KASH5: variants seen among roughly 807,000 people sequenced by gnomAD.
KASH5 encodes protein KASH5.
KASH5 carries 72 observed loss-of-function variants against 84.2 expected under a neutral mutation model. The ratio of observed to expected loss-of-function variants is 0.85; its 90% CI spans 0.71 to 1.04. The LOEUF (loss-of-function observed/expected upper bound fraction) is 1.04, where lower values mean the gene tolerates loss of function less well. Among genes scored for constraint, KASH5 ranks in the 50% least tolerant of loss-of-function variants. KASH5 has a pLI of 0.00. For synonymous variants in KASH5, 260 were observed against 279.1 expected (o/e 0.93, Z 0.68); for missense variants, 650 against 701.0 (o/e 0.93, Z 0.82).
chr19:49,416,969 C>T lies in KASH5; in HGVS notation c.1375-46C>T, dbSNP rs964072667. On this transcript the variant is annotated intron_variant, in intron 17 of 19. Coordinates refer to ENST00000447857, the MANE Select transcript of KASH5 (RefSeq NM_144688.5). This position sits in a 1 kb window ranked among gnomAD's most constrained non-coding sequence, Gnocchi z 5.4. ...CCAGTGGGCTGACCTGAGCACCTCT[C>T]AGTCCAGAACCCGGTGCCTCCAACG... 6.5e-6 allele frequency: 10 copies of T among 1,544,872 alleles called. No homozygotes were observed. The highest frequency in any genetic ancestry group is 2.7e-5 in the African/African-American group (2 of 73,002).
chr19:49,417,110 A>G lies in KASH5; in HGVS notation c.1439+31A>G. 1.2e-6 allele frequency: 2 copies of G among 1,607,050 alleles called. No individual in the cohort carries two copies. Among genetic ancestry groups the G allele is most frequent in the Non-Finnish European group, 1.7e-6 (2 of 1,177,320 alleles). ...AGGACCCACAGGGTCCAGGAGGGAC[A>G]CTGGGGCAAGGAAAAACCCAGTGGT... On this transcript the variant is annotated intron_variant, in intron 18 of 19. Transcript: ENST00000447857. This position sits in a 1 kb window ranked among gnomAD's most constrained non-coding sequence, Gnocchi z 5.2.
At chr19:49,405,743 G>A (rs1225614916) in intron 9 of KASH5, among the ~76,000 whole-genome samples, 1 of 151,780 alleles carries the variant, frequency 6.6e-6, no homozygotes, top group African/African-American at 2.4e-5. Flanking sequence ...GATCGCCTGA[G>A]GTCAGGAGTT....
Position 49,399,341 on chromosome 19 carries a change from G to A in KASH5, c.748-116G>A. 9.1e-7 allele frequency: 1 copy of A among 1,102,634 alleles called. No individual in the cohort carries two copies. The highest frequency in any genetic ancestry group is 1.3e-6 in the Non-Finnish European group (1 of 754,702). The allele number at this position is 1,102,634 out of a possible 1,614,324, so 68.3% of individuals were successfully genotyped here. A position where few individuals can be genotyped will look rare whatever the true frequency, so the allele number is the denominator to read the frequency against. ...CAAAGGAGACAGCAGGAGCCATCAG[G>A]GCTTCCCAGACCCATTCCCCCAGGC... On this transcript the variant is annotated intron_variant, in intron 8 of 19. Transcript: ENST00000447857. The surrounding 1 kb of genome is among the most constrained non-coding windows in gnomAD (Gnocchi z 4.4).
chr19:49,409,834 G>C lies in KASH5; in HGVS notation c.1228G>C (p.Glu410Gln). 6 of 1,613,958 alleles carry C rather than the reference G, an allele frequency of 3.7e-6. No homozygotes were observed. Among genetic ancestry groups the C allele is most frequent in the Non-Finnish European group, 3.4e-6 (4 of 1,179,842 alleles). ...QWEEVIHETSEETEFPSEAPA... is the reference protein window; with the variant it reads ...QWEEVIHETSQETEFPSEAPA... Reference sequence around the variant, plus strand: ...GGAGGAAGTCATCCATGAGACCAGTGAGGAAACTGAGTTTCCATCTGAAGC... The same window carrying C: ...GGAGGAAGTCATCCATGAGACCAGTCAGGAAACTGAGTTTCCATCTGAAGC... Residue 410 changes from glutamate to glutamine, a missense_variant, in exon 15 of 20, where the codon GAG (glutamate) becomes CAG (glutamine). Glu to Gln is a conservative substitution (Grantham distance 29). Coordinates refer to ENST00000447857, the MANE Select transcript of KASH5 (RefSeq NM_144688.5).
At chr19:49,415,726 C>T (rs775398427) in intron 17 of KASH5, 1 of 153,928 alleles carries the variant, frequency 6.5e-6, no homozygotes, top group Non-Finnish European at 1.4e-5. Flanking sequence ...ACCTCAGCTT[C>T]CTCACAGCTC....
At position 49,412,937 on chromosome 19, in the gene KASH5, C is replaced by A; in HGVS notation, c.1270-31C>A. Reference sequence around the variant, plus strand: ...GGTTGGAGCTTTGAGTGAGAAGAATCAGAGAAGAACTAACCTTTTTGTTTC... The same window carrying A: ...GGTTGGAGCTTTGAGTGAGAAGAATAAGAGAAGAACTAACCTTTTTGTTTC... On this transcript the variant is annotated intron_variant, in intron 15 of 19. Coordinates refer to ENST00000447857, the MANE Select transcript of KASH5 (RefSeq NM_144688.5). This position sits in a 1 kb window ranked among gnomAD's most constrained non-coding sequence, Gnocchi z 4.6. 6.2e-7 allele frequency: 1 copy of A among 1,611,414 alleles called. No homozygotes were observed. The highest frequency in any genetic ancestry group is 1.1e-5 in the South Asian group (1 of 90,920).
chr19:49,399,864 C>T lies in KASH5; in HGVS notation c.798+357C>T. ...CGAAGGATACTTGCAAAGTCTTGGG[C>T]ACAAGGTAGGACACATAGGATGTGC... is the stretch of plus-strand genomic sequence containing the variant. On this transcript the variant is annotated intron_variant, in intron 9 of 19. Coordinates refer to ENST00000447857, the MANE Select transcript of KASH5 (RefSeq NM_144688.5). The surrounding 1 kb of genome is among the most constrained non-coding windows in gnomAD (Gnocchi z 4.4). 2.8e-6 allele frequency: 1 copy of T among 360,416 alleles called. No homozygotes were observed. 22.3% of individuals were successfully genotyped at this position (360,416 alleles called of 1,614,324 possible).
chr19:49,407,040 C>T (rs1974549305), intron 10 of KASH5, 77 bp downstream of exon 10: 1 of 1,423,830 alleles, frequency 7.0e-7, no homozygotes, highest in African/African-American at 1.4e-5. Flanking sequence ...TTAGTGACTG[C>T]AGCCTGATAA....
chr19:49,394,352 G>A (rs1974103916), intron 2 of KASH5, 124 bp from the exon 3 acceptor site: 6 of 679,970 alleles, frequency 8.8e-6, no homozygotes, highest in African/African-American at 3.5e-5. Flanking sequence ...CCACCCGCCC[G>A]AACTCTCAGT....
chr19:49,404,508 T>C (rs1204292474), intron 9 of KASH5, among the ~76,000 whole-genome samples: 2 of 152,178 alleles, frequency 1.3e-5, no homozygotes, highest in Non-Finnish European at 2.9e-5. Flanking sequence ...CTGTTAGTGC[T>C]CCCATGGTAC....
rs1046930096 is a variant in KASH5 at position 49,395,880 on chromosome 19, C to A, written c.400+47C>A. On this transcript the variant is annotated intron_variant, in intron 5 of 19. Transcript: ENST00000447857. This position sits in a 1 kb window ranked among gnomAD's most constrained non-coding sequence, Gnocchi z 4.4. ...TGAAGCAGGCAGGCCCTGGGTCAGACAGTGTGGGGACTTACCACCCAGGGC... is the reference window on the plus strand; with the variant it reads ...TGAAGCAGGCAGGCCCTGGGTCAGAAAGTGTGGGGACTTACCACCCAGGGC... The A allele has an allele frequency of 4.0e-6, 6 of 1,494,556 alleles. No homozygotes were observed. Among genetic ancestry groups the A allele is most frequent in the Non-Finnish European group, 4.5e-6 (5 of 1,100,990 alleles). The allele number at this position is 1,494,556 out of a possible 1,614,324, so 92.6% of individuals were successfully genotyped here. A position where few individuals can be genotyped will look rare whatever the true frequency, so the allele number is the denominator to read the frequency against.
chr19:49,409,378 C>T (rs1319123003), intron 14 of KASH5, 95 bp downstream of exon 14: 3 of 1,297,060 alleles, frequency 2.3e-6, no homozygotes, highest in Admixed American at 4.1e-5. Context: ...TAGCCCTAAC[C>T]CACATTGCTG....
At position 49,395,414 on chromosome 19, in the gene KASH5, G is replaced by C. The variant is rs1600900938; in HGVS notation, c.335+122G>C. On this transcript the variant is annotated intron_variant, in intron 4 of 19. Coordinates refer to ENST00000447857, the MANE Select transcript of KASH5 (RefSeq NM_144688.5). This position sits in a 1 kb window ranked among gnomAD's most constrained non-coding sequence, Gnocchi z 4.4. ...CTACTGTGTTTGGAATGAGGCTGTG[G>C]AGAGAAAAATGAAGAGACGGGATTC... is the stretch of plus-strand genomic sequence containing the variant. 1 of 1,092,514 alleles carries C rather than the reference G, an allele frequency of 9.2e-7. No homozygotes were observed. The highest frequency in any genetic ancestry group is 2.4e-5 in the East Asian group (1 of 41,874). The allele number at this position is 1,092,514 out of a possible 1,614,324, so 67.7% of individuals were successfully genotyped here.
At chr19:49,415,144 C>A in intron 17 of KASH5, 148 bp downstream of exon 17, 1 of 798,732 alleles carries the variant, frequency 1.3e-6, no homozygotes. Context: ...ATAACAAGGC[C>A]TTTGCTGTAG....
At position 49,399,309 on chromosome 19, in the gene KASH5, C is replaced by G; in HGVS notation, c.748-148C>G. On this transcript the variant is annotated intron_variant, in intron 8 of 19. Transcript: ENST00000447857. The surrounding 1 kb of genome is among the most constrained non-coding windows in gnomAD (Gnocchi z 4.4). ...TTTTTCAAGCTTACCTGCCATCCTT[C>G]TCATGACAAAGGAGACAGCAGGAGC... 1 of 957,988 alleles carries G rather than the reference C, an allele frequency of 1.0e-6. No homozygotes were observed. Among genetic ancestry groups the G allele is most frequent in the South Asian group, 1.6e-5 (1 of 61,750 alleles). 59.3% of individuals were successfully genotyped at this position (957,988 alleles called of 1,614,324 possible).
In KASH5 at chr19:49,409,223, A is replaced by C. The variant is rs1974632437; in HGVS notation, c.1086A>C (p.Arg362Ser). Residue 362 changes from arginine to serine, a missense_variant, in exon 14 of 20, where the codon AGA becomes AGC. Physicochemically the swap from Arg to Ser is moderately radical, Grantham distance 110. Coordinates refer to ENST00000447857, the MANE Select transcript of KASH5 (RefSeq NM_144688.5). ...DELPEGAQLR[R>S]VGWTELLPPS... ...TACCTGAAGGGGCCCAGCTGAGAAG[A>C]GTGGGCTGGACCGAGCTGCTACCCC... 16 of 1,613,926 alleles carry C rather than the reference A, an allele frequency of 9.9e-6. No individual in the cohort carries two copies. In the East Asian group the frequency reaches 3.6e-4, roughly 36 times the overall value.
intron 9 of KASH5, among the ~76,000 whole-genome samples, chr19:49,401,796 A>C (rs1398900389): frequency 1.3e-5 from 2 of 152,204 alleles, no homozygotes; most frequent in African/African-American, 4.8e-5. Flanking sequence ...TGTTTTTTAC[A>C]CTGAAATCCA....
chr19:49,402,456 C>G (rs1293525300), intron 9 of KASH5, among the ~76,000 whole-genome samples: 1 of 152,030 alleles, frequency 6.6e-6, no homozygotes, highest in Non-Finnish European at 1.5e-5. Flanking sequence ...CTTGTAATCC[C>G]AGCATCTTGG....
intron 9 of KASH5, among the ~76,000 whole-genome samples, chr19:49,403,374 A>G (rs1374463503): frequency 4.1e-5 from 4 of 97,524 alleles, no homozygotes; most frequent in Non-Finnish European, 8.2e-5. Context: ...TCTGTCTCAA[A>G]ATAAAAAAAA....
Sources: allele counts gnomAD v4.1 joint callset (sites outside exome capture counted in the v4.1 genomes callset), GRCh38; gene constraint gnomAD v4.1.1; non-coding constraint Gnocchi (gnomAD v3.1); transcripts MANE v1.5; gene names NCBI Gene and HGNC (gene_info 2026-07-23, HGNC 2026-07-21).